PROX1: variants seen among roughly 807,000 people sequenced by gnomAD.
The protein encoded by PROX1 is prospero homeobox 1.
PROX1 carries 7 observed loss-of-function variants against 58.8 expected under a neutral mutation model. The ratio of observed to expected loss-of-function variants is 0.12; its 90% confidence interval spans 0.07 to 0.22. The LOEUF (loss-of-function observed/expected upper bound fraction) is 0.22, where lower values mean the gene tolerates loss of function less well. Among genes scored for constraint, PROX1 ranks in the 10% least tolerant of loss-of-function variants. The pLI is 1.00. For synonymous variants in PROX1, 350 were observed against 358.3 expected, an observed-to-expected ratio of 0.98 and a Z score of 0.26; for missense variants, 675 against 927.8, an observed-to-expected ratio of 0.73 and a Z score of 3.54.
intron 1 of PROX1, among the ~76,000 whole-genome samples, chr1:213,995,608 G>A (rs954377971): frequency 6.6e-6 from 1 of 151,894 alleles, no homozygotes; most frequent in Admixed American, 6.6e-5. Flanking sequence ...CTTTATCTCG[G>A]TCAATAACTT....
At chr1:214,005,060 G>T in intron 2 of PROX1, 105 bp from the exon 3 acceptor site, 1 of 829,632 alleles carries the variant, frequency 1.2e-6, no homozygotes, top group African/African-American at 1.7e-5. Flanking sequence ...CACTCCCACC[G>T]CAGCTTGATG....
intron 2 of PROX1, among the ~76,000 whole-genome samples, chr1:214,003,749 C>T (rs1663607195): frequency 1.3e-5 from 2 of 152,226 alleles, no homozygotes; most frequent in South Asian, 4.1e-4. Flanking sequence ...AACAAATTCT[C>T]AGCAGAATAT....
At chr1:214,019,350 TG>T (rs1279082831) in intron 4 of PROX1, among the ~76,000 whole-genome samples, 2 of 152,336 alleles carry the variant, frequency 1.3e-5, no homozygotes, top group East Asian at 3.9e-4. Context: ...GCACGGGTTC[TG>T]GGAAATTTGT....
At chr1:214,020,042 C>T (rs934226474) in intron 4 of PROX1, among the ~76,000 whole-genome samples, 2 of 152,042 alleles carry the variant, frequency 1.3e-5, no homozygotes, top group Non-Finnish European at 1.5e-5. Flanking sequence ...TTTTTTCCCC[C>T]AAATGAATAG....
At chr1:213,989,163 G>T (rs867842369) in intron 1 of PROX1, among the ~76,000 whole-genome samples, 21 of 152,082 alleles carry the variant, frequency 1.4e-4, no homozygotes, top group Admixed American at 2.6e-4. Flanking sequence ...GGAGGTGGGG[G>T]GGCGCTCTGT....
intron 3 of PROX1, among the ~76,000 whole-genome samples, chr1:214,007,941 G>A (rs1455629934): frequency 6.6e-6 from 1 of 152,206 alleles, no homozygotes; most frequent in African/African-American, 2.4e-5. Context: ...TATGGACCAT[G>A]TAATGCTTGT....
intron 4 of PROX1, among the ~76,000 whole-genome samples, chr1:214,034,599 C>T (rs550784405): frequency 1.3e-5 from 2 of 152,176 alleles, no homozygotes; most frequent in South Asian, 4.2e-4. Context: ...AAGTAACTTC[C>T]AAAGAACACT....
chr1:214,004,530 C>T (rs924212400), intron 2 of PROX1, among the ~76,000 whole-genome samples: 1 of 152,178 alleles, frequency 6.6e-6, no homozygotes, highest in African/African-American at 2.4e-5. Context: ...AGCCCCCTCC[C>T]TGTCCTCTCC....
chr1:214,016,200 C>A (rs920683276), intron 4 of PROX1, among the ~76,000 whole-genome samples: 2 of 152,092 alleles, frequency 1.3e-5, no homozygotes, highest in African/African-American at 4.8e-5. Context: ...CAACACCCCA[C>A]CCCACCCCCA....
chr1:214,021,975 G>A (rs1397375783), intron 4 of PROX1, among the ~76,000 whole-genome samples: 2 of 152,212 alleles, frequency 1.3e-5, no homozygotes, highest in Non-Finnish European at 2.9e-5. Context: ...CTGGGGGAAA[G>A]CTCCAGTTTC....
intron 2 of PROX1, among the ~76,000 whole-genome samples, chr1:214,000,335 C>T (rs1388184660): frequency 2.6e-5 from 4 of 152,118 alleles, no homozygotes; most frequent in Non-Finnish European, 4.4e-5. Flanking sequence ...TCCAAATCCC[C>T]GGAGGAATTT....
intron 1 of PROX1, among the ~76,000 whole-genome samples, chr1:213,993,377 G>A (rs1663107598): frequency 1.3e-5 from 2 of 152,138 alleles, no homozygotes; most frequent in South Asian, 4.1e-4. Flanking sequence ...AATTGCAGGT[G>A]AAACATGATA....
At chr1:214,008,745 A>G (rs1191016489) in intron 3 of PROX1, among the ~76,000 whole-genome samples, 1 of 152,192 alleles carries the variant, frequency 6.6e-6, no homozygotes. Flanking sequence ...TTCTTCTTCT[A>G]CAGGGGTGAT....
upstream of PROX1, chr1:213,986,258 G>A (rs1662822618): frequency 6.6e-6 from 1 of 151,618 alleles, no homozygotes; most frequent in Admixed American, 6.6e-5. Flanking sequence ...TGGGGGGAGT[G>A]TGTGGGGGCG....
At chr1:214,017,151 C>G (rs1276175369) in intron 4 of PROX1, among the ~76,000 whole-genome samples, 1 of 151,790 alleles carries the variant, frequency 6.6e-6, no homozygotes, top group African/African-American at 2.4e-5. Context: ...TATCAAAGTT[C>G]AGAGGAGCCT....
rs758158760 is a variant in PROX1, at chr1:213,997,677, A to G, written c.1142A>G (p.Gln381Arg). 1.2e-6 allele frequency: 2 copies of G among 1,614,164 alleles called. No individual in the cohort carries two copies. Among genetic ancestry groups the G allele is most frequent in the Non-Finnish European group, 1.7e-6 (2 of 1,180,024 alleles). Reference protein sequence around the residue: ...FSAKPSRQVPQVFPPLQIPQA... With the variant: ...FSAKPSRQVPRVFPPLQIPQA... Reference sequence around the variant, plus strand: ...GCCAAGCCCTCCCGCCAGGTTCCTCAGGTCTTCCCACCTCTCCAGATCCCC... The same window carrying G: ...GCCAAGCCCTCCCGCCAGGTTCCTCGGGTCTTCCCACCTCTCCAGATCCCC... The change falls in exon 2 of 5, where the codon CAG (glutamine) becomes CGG (arginine). Residue 381 changes from glutamine to arginine, a missense_variant. Transcript: ENST00000366958. This position sits in a 1 kb window ranked among gnomAD's most constrained non-coding sequence, Gnocchi z 7.1.
intron 2 of PROX1, among the ~76,000 whole-genome samples, chr1:214,002,311 G>A (rs192790050): frequency 5.3e-5 from 8 of 151,744 alleles, no homozygotes; most frequent in Admixed American, 3.3e-4. Flanking sequence ...ACTGCTTTAC[G>A]TTCAGCTGCA....
chr1:214,030,811 G>C (rs896156346), intron 4 of PROX1: 2 of 152,266 alleles, frequency 1.3e-5, no homozygotes, highest in African/African-American at 4.8e-5. Context: ...GGTATGTCCT[G>C]ACACTTATGA....
chr1:214,000,453 C>T (rs1178009679), intron 2 of PROX1, among the ~76,000 whole-genome samples: 1 of 152,196 alleles, frequency 6.6e-6, no homozygotes, highest in Non-Finnish European at 1.5e-5. Flanking sequence ...TTTCTTCTAT[C>T]AACATAACTT....
Sources: allele counts gnomAD v4.1 joint callset (sites outside exome capture counted in the v4.1 genomes callset), GRCh38; gene constraint gnomAD v4.1.1; non-coding constraint Gnocchi (gnomAD v3.1); transcripts MANE v1.5; gene names NCBI Gene and HGNC (gene_info 2026-07-23, HGNC 2026-07-21).